NTM: variants seen among roughly 807,000 people sequenced by gnomAD.
The protein encoded by NTM is neurotrimin.
Under a neutral mutation model 42.1 loss-of-function variants are expected in NTM, and 13 were observed. That is an observed-to-expected ratio of 0.31 (90% CI 0.20 to 0.49). NTM has a LOEUF of 0.49. Among genes scored for constraint, NTM ranks in the 20% least tolerant of loss-of-function variants. NTM has a pLI of 0.99. For missense variants in NTM, 373 were observed against 452.8 expected, an observed-to-expected ratio of 0.82 and a Z score of 1.60; for synonymous variants, 187 against 179.2, an observed-to-expected ratio of 1.04 and a Z score of -0.35.
intron 2 of NTM, among the ~76,000 whole-genome samples, chr11:132,116,760 A>T (rs2063957313): frequency 6.6e-6 from 1 of 152,230 alleles, no homozygotes; most frequent in Admixed American, 6.5e-5. Flanking sequence ...TCTGCTGAGG[A>T]TGACAGTTAT....
intron 2 of NTM, among the ~76,000 whole-genome samples, chr11:132,028,833 G>T (rs1181904706): frequency 1.4e-4 from 22 of 152,088 alleles, no homozygotes; most frequent in Admixed American, 1.4e-3. Context: ...CTCTCCCCCT[G>T]CTGGATGCAT....
intron 1 of NTM, among the ~76,000 whole-genome samples, chr11:131,498,040 C>T (rs1184011710): frequency 6.6e-6 from 1 of 152,226 alleles, no homozygotes; most frequent in African/African-American, 2.4e-5. Context: ...CCTCCTTCCC[C>T]TCCCTTGTCA....
intron 1 of NTM, among the ~76,000 whole-genome samples, chr11:131,906,135 C>T (rs555163459): frequency 6.6e-6 from 1 of 152,144 alleles, no homozygotes; most frequent in African/African-American, 2.4e-5. Flanking sequence ...CTGGTACACA[C>T]AAGGAACTCA....
At chr11:131,975,381 T>A (rs1186761055) in intron 2 of NTM, among the ~76,000 whole-genome samples, 1 of 152,000 alleles carries the variant, frequency 6.6e-6, no homozygotes. Flanking sequence ...GGTTTCACCA[T>A]GTTGGCCAGG....
chr11:131,518,436 A>G (rs566451422), intron 1 of NTM, among the ~76,000 whole-genome samples: 71 of 152,280 alleles, frequency 4.7e-4, no homozygotes, highest in Non-Finnish European at 7.9e-4. Flanking sequence ...TTCAGTACAC[A>G]TTTTCCCATA....
chr11:131,505,520 T>A (rs765746777), intron 1 of NTM, among the ~76,000 whole-genome samples: 9 of 152,178 alleles, frequency 5.9e-5, no homozygotes, highest in Non-Finnish European at 1.2e-4. Context: ...CCTGCGATTA[T>A]TTACCCCCTT....
intron 1 of NTM, among the ~76,000 whole-genome samples, chr11:131,543,462 C>T (rs1481731298): frequency 6.6e-6 from 1 of 152,208 alleles, no homozygotes; most frequent in Non-Finnish European, 1.5e-5. Context: ...TGAAGGGCAA[C>T]AGGACACTGA....
Position 132,002,654 on chromosome 11 carries a change from G to T in NTM, c.167+91006G>T, listed in dbSNP as rs552528813. ...TTTTTCTTTTTCTCTTAGTATCCAT[G>T]CTTCTCCTGAATCATTCCTCTCGTT... On this transcript the variant is annotated intron_variant, in intron 2 of 8. Transcript: ENST00000683400. The surrounding 1 kb of genome is among the most constrained non-coding windows in gnomAD (Gnocchi z 4.5). 1.3e-5 allele frequency among the ~76,000 whole-genome samples: 2 copies of T among 152,084 alleles called. No homozygotes were observed. The highest frequency in any genetic ancestry group is 4.2e-4 in the South Asian group (2 of 4,814).
intron 1 of NTM, among the ~76,000 whole-genome samples, chr11:131,627,100 A>G (rs1392128718): frequency 1.3e-5 from 2 of 152,230 alleles, no homozygotes; most frequent in Non-Finnish European, 2.9e-5. Flanking sequence ...TTGATGTGGC[A>G]ATGAAATTTC....
intron 4 of NTM, among the ~76,000 whole-genome samples, chr11:132,292,192 G>A (rs886884627): frequency 2.0e-5 from 3 of 152,168 alleles, no homozygotes; most frequent in African/African-American, 7.2e-5. Context: ...TTTTGATAGC[G>A]GGAAGGGAAG....
chr11:131,573,523 T>C (rs1249741311), intron 1 of NTM: 1 of 152,134 alleles, frequency 6.6e-6, no homozygotes, highest in Non-Finnish European at 1.5e-5. Flanking sequence ...AAACAGAATT[T>C]CTACTCTCTC....
intron 1 of NTM, among the ~76,000 whole-genome samples, chr11:131,446,674 TC>T (rs1248466444): frequency 6.6e-6 from 1 of 152,176 alleles, no homozygotes; most frequent in Non-Finnish European, 1.5e-5. Context: ...CATGTAGAAG[TC>T]GTAAGTTCTT....
At chr11:131,494,949 TCTC>T (rs1229209144) in intron 1 of NTM, among the ~76,000 whole-genome samples, 2 of 152,242 alleles carry the variant, frequency 1.3e-5, no homozygotes, top group African/African-American at 4.8e-5. Flanking sequence ...TGACAACATT[TCTC>T]CTCATATTAT....
intron 1 of NTM, among the ~76,000 whole-genome samples, chr11:131,890,139 T>C (rs1165895599): frequency 2.6e-5 from 2 of 75,952 alleles, no homozygotes; most frequent in East Asian, 3.0e-3. Flanking sequence ...TCTCTCTCCC[T>C]CTCTCTCTCT....
intron 2 of NTM, among the ~76,000 whole-genome samples, chr11:132,086,414 G>T (rs1040601037): frequency 1.3e-5 from 2 of 151,064 alleles, no homozygotes; most frequent in African/African-American, 4.9e-5. Context: ...AGCAAAACAA[G>T]ATCCAAGAAG....
chr11:131,585,909 C>G (rs527317460), intron 1 of NTM, among the ~76,000 whole-genome samples: 2 of 152,156 alleles, frequency 1.3e-5, no homozygotes. Context: ...AGATTCTCAC[C>G]AATTTGCCAG....
intron 1 of NTM, among the ~76,000 whole-genome samples, chr11:131,851,534 T>C (rs3219935): frequency 0.095 from 3,828 of 40,424 alleles, 89 homozygotes; most frequent in East Asian, 0.15. Context: ...GAGAATGGCG[T>C]GTGTGTGTGT....
chr11:131,475,535 G>A (rs1042060885), intron 1 of NTM, among the ~76,000 whole-genome samples: 1 of 152,020 alleles, frequency 6.6e-6, no homozygotes, highest in African/African-American at 2.4e-5. Flanking sequence ...CTGATAAACT[G>A]CTACATATCA....
intron 2 of NTM, among the ~76,000 whole-genome samples, chr11:132,118,553 C>T (rs145999902): frequency 1.3e-5 from 2 of 152,312 alleles, no homozygotes; most frequent in East Asian, 3.9e-4. Flanking sequence ...GGCTTCCTCT[C>T]CAAGGACAGC....
Sources: gnomAD v4.1 joint callset for allele counts (sites outside exome capture counted in the v4.1 genomes callset) on GRCh38, gnomAD v4.1.1 for gene constraint, Gnocchi (gnomAD v3.1) non-coding constraint, MANE v1.5 for transcripts, NCBI Gene and HGNC (gene_info 2026-07-23, HGNC 2026-07-21) for gene names.